Variants in RYR3 observed in about 807,000 individuals in gnomAD.
RYR3 encodes ryanodine receptor 3.
In RYR3, 207 loss-of-function variants were observed where a neutral mutation model predicts 584.3. That is an observed-to-expected ratio of 0.35 (90% CI 0.32 to 0.40). The LOEUF (loss-of-function observed/expected upper bound fraction) is 0.40. Among genes scored for constraint, RYR3 ranks in the 10% least tolerant of loss-of-function variants. RYR3 has a pLI of 1.00. For missense variants in RYR3, 5,616 were observed against 6,089.2 expected (o/e 0.92, Z 2.59); for synonymous variants, 2,416 against 2,248.5 (o/e 1.07, Z -2.11).
intron 38 of RYR3, among the ~76,000 whole-genome samples, chr15:33,684,170 C>T (rs1011256318): frequency 2.6e-5 from 4 of 152,246 alleles, no homozygotes; most frequent in African/African-American, 9.6e-5. Context: ...TGAGAATGGA[C>T]AGACTGCCTC....
chr15:33,580,962 A>G (rs1328582161), intron 13 of RYR3, among the ~76,000 whole-genome samples: 1 of 145,930 alleles, frequency 6.9e-6, no homozygotes, highest in East Asian at 2.1e-4. Flanking sequence ...ACTGGGTGGC[A>G]TAGTATTTCA....
At chr15:33,500,057 G>A (rs1317697571) in intron 2 of RYR3, among the ~76,000 whole-genome samples, 2 of 152,318 alleles carry the variant, frequency 1.3e-5, no homozygotes, top group East Asian at 3.9e-4. Context: ...AAGGACACAG[G>A]ATCTGTTCAA....
chr15:33,759,502 A>G (rs1422211707), intron 60 of RYR3, among the ~76,000 whole-genome samples: 1 of 152,230 alleles, frequency 6.6e-6, no homozygotes, highest in Non-Finnish European at 1.5e-5. Flanking sequence ...TGAGGCATAC[A>G]CAAGTATCAA....
chr15:33,323,785 TTGAC>T (rs1969327582), intron 1 of RYR3, among the ~76,000 whole-genome samples: 1 of 152,114 alleles, frequency 6.6e-6, no homozygotes, highest in African/African-American at 2.4e-5. Flanking sequence ...GGTGGTAACT[TTGAC>T]TGTCCCCTGG....
intron 5 of RYR3, among the ~76,000 whole-genome samples, chr15:33,533,791 A>G (rs1025828591): frequency 1.3e-5 from 2 of 152,246 alleles, no homozygotes; most frequent in Non-Finnish European, 2.9e-5. Flanking sequence ...TTGTTCTGCA[A>G]TGAACAAGCT....
intron 12 of RYR3, among the ~76,000 whole-genome samples, chr15:33,579,462 A>G (rs374329159): frequency 2.3e-5 from 1 of 43,264 alleles, no homozygotes; most frequent in South Asian, 1.1e-3. Flanking sequence ...CAATGCCAAG[A>G]AGGTGTGATT....
In RYR3 at chr15:33,550,281, A is replaced by T; in HGVS notation, c.937A>T (p.Thr313Ser). The T allele has an allele frequency of 1.2e-6, 2 of 1,613,512 alleles. No homozygotes were observed. The highest frequency in any genetic ancestry group is 2.2e-5 in the South Asian group (2 of 90,898). ...LILQDRAKSD[T>S]KSTAFSFRAS... ...ACTGCAAGACCGGGCAAAGTCAGAC[A>T]CCAAGTCCACAGCTTTCTCTTTCCG... The change falls in exon 10 of 104, where the codon ACC becomes TCC. Residue 313 changes from threonine (T) to serine (S), a missense_variant. Physicochemically the swap from Thr to Ser is moderately conservative, Grantham distance 58. Coordinates refer to ENST00000634891, the MANE Select transcript of RYR3 (RefSeq NM_001036.6).
chr15:33,862,032 A>T (rs1888431416), intron 102 of RYR3, among the ~76,000 whole-genome samples: 1 of 152,186 alleles, frequency 6.6e-6, no homozygotes. Context: ...AAGTTACTTG[A>T]ACCTATTGGG....
rs368432342 is a variant in RYR3 at position 33,788,286 on chromosome 15, G to A, written c.9658G>A (p.Glu3220Lys). 3 of 1,613,896 alleles carry A rather than the reference G, an allele frequency of 1.9e-6. No homozygotes were observed. The African/African-American group carries it at 4.0e-5, about 22-fold the overall frequency. The change falls in exon 67 of 104, where the codon GAG (glutamate) becomes AAG (lysine). Residue 3220 changes from glutamate (E) to lysine (K), a missense_variant. Coordinates refer to ENST00000634891, the MANE Select transcript of RYR3 (RefSeq NM_001036.6). ...GAGAAGCCACTTCATCCCAACTCTGGAGAAGCTGAAGAAAAAGGCTGTCAA... is the reference window on the plus strand; with the variant it reads ...GAGAAGCCACTTCATCCCAACTCTGAAGAAGCTGAAGAAAAAGGCTGTCAA... ...LLRSHFIPTL[E>K]KLKKKAVKTV...
chr15:33,807,629 G>C, intron 70 of RYR3, 60 bp downstream of exon 70: 1 of 1,492,332 alleles, frequency 6.7e-7, no homozygotes. Flanking sequence ...CCGGGCTCTG[G>C]CCCCCTCTGC....
At chr15:33,462,206 G>GGT (rs1384710689) in intron 1 of RYR3, among the ~76,000 whole-genome samples, 1 of 152,008 alleles carries the variant, frequency 6.6e-6, no homozygotes, top group African/African-American at 2.4e-5. Flanking sequence ...TTTTGAAAAA[G>GGT]GTAGTGTTCC....
intron 19 of RYR3, among the ~76,000 whole-genome samples, chr15:33,617,484 T>A (rs1266446981): frequency 6.6e-6 from 1 of 152,166 alleles, no homozygotes; most frequent in Non-Finnish European, 1.5e-5. Flanking sequence ...ATCACTTGCC[T>A]GGTTTTATAG....
chr15:33,753,922 A>C (rs905613941), intron 57 of RYR3, among the ~76,000 whole-genome samples: 1 of 152,212 alleles, frequency 6.6e-6, no homozygotes, highest in Non-Finnish European at 1.5e-5. Flanking sequence ...GAGGAAATCA[A>C]GAAGAAAGAT....
chr15:33,539,562 A>T, intron 6 of RYR3, 100 bp downstream of exon 6: 1 of 705,368 alleles, frequency 1.4e-6, no homozygotes, highest in Non-Finnish European at 2.5e-6. Context: ...GGATAGAATA[A>T]GATGCTTTTA....
intron 34 of RYR3, among the ~76,000 whole-genome samples, chr15:33,661,559 G>T (rs563618371): frequency 6.6e-6 from 1 of 152,062 alleles, no homozygotes; most frequent in Non-Finnish European, 1.5e-5. Flanking sequence ...GAGGCTGGGG[G>T]AGGGGGTAGA....
rs762170384 is a variant in RYR3, at chr15:33,821,296, C to T, written c.10842C>T (p.Thr3614=). The stretch of plus-strand genomic sequence containing the variant: ...AGAAAGAGATGGAGAAGCAAAAAAC[C>T]CTCTATCAGCAAGCTCGGCTGCATG... ...FEEKEMEKQK[T]LYQQARLHER... is the part of the protein sequence containing the mutation. Residue 3614 remains threonine (T), a synonymous_variant, in exon 79 of 104, where the codon ACC becomes ACT. Coordinates refer to ENST00000634891, the MANE Select transcript of RYR3 (RefSeq NM_001036.6). 2 of 1,600,384 alleles carry T rather than the reference C, an allele frequency of 1.2e-6. No individual in the cohort carries two copies. Among genetic ancestry groups the T allele is most frequent in the Admixed American group, 3.4e-5 (2 of 58,124 alleles).
intron 9 of RYR3, among the ~76,000 whole-genome samples, chr15:33,549,069 GT>G (rs66718943): frequency 9.2e-5 from 14 of 151,368 alleles, no homozygotes; most frequent in East Asian, 5.8e-4. Flanking sequence ...ATATGCACAC[GT>G]TTTTTTTTTC....
rs145717713 is a variant in RYR3, at chr15:33,431,378, G to A, written c.52-42041G>A. Among the ~76,000 whole-genome samples the A allele has an allele frequency of 1.9e-4, 29 of 152,296 alleles. 1 individual carries two copies. The highest frequency in any genetic ancestry group is 3.4e-3 in the Middle Eastern group (1 of 294). On this transcript the variant is annotated intron_variant, in intron 1 of 103. Coordinates refer to ENST00000634891, the MANE Select transcript of RYR3 (RefSeq NM_001036.6). Reference sequence around the variant, plus strand: ...TATGAGATACCATATAGTTTCTGCAGCTACATTTATGTACAATCATACATA... The same window carrying A: ...TATGAGATACCATATAGTTTCTGCAACTACATTTATGTACAATCATACATA...
intron 43 of RYR3, among the ~76,000 whole-genome samples, chr15:33,717,463 A>C (rs909150550): frequency 2.6e-5 from 4 of 152,174 alleles, no homozygotes; most frequent in African/African-American, 9.7e-5. Context: ...TCCCACATCC[A>C]GTCCATCACC....
Sources: allele counts gnomAD v4.1 joint callset (sites outside exome capture counted in the v4.1 genomes callset), GRCh38; gene constraint gnomAD v4.1.1; transcripts MANE v1.5; gene names NCBI Gene and HGNC (gene_info 2026-07-23, HGNC 2026-07-21).